Variants in ZCCHC24 observed in about 807,000 individuals in gnomAD.
ZCCHC24 encodes zinc finger CCHC-type containing 24.
A neutral mutation model predicts 26.2 loss-of-function variants in ZCCHC24; 10 were observed. The observed-to-expected ratio is 0.38, with a 90% CI of 0.24 to 0.65. The LOEUF (loss-of-function observed/expected upper bound fraction) is 0.65. Among genes scored for constraint, ZCCHC24 ranks in the 30% least tolerant of loss-of-function variants. The probability of loss-of-function intolerance (pLI) is 0.54; values close to 1 mark genes in which losing one functional copy is unlikely to be tolerated. For missense variants in ZCCHC24, 243 were observed against 329.1 expected (o/e 0.74, Z 2.03); for synonymous variants, 144 against 147.1 (o/e 0.98, Z 0.15).
chr10:79,392,728 C>T (rs937022965), intron 3 of ZCCHC24, among the ~76,000 whole-genome samples: 3 of 152,232 alleles, frequency 2.0e-5, no homozygotes, highest in South Asian at 2.1e-4. Flanking sequence ...CCTCCCCTAA[C>T]ACTGCTCCAT....
intron 2 of ZCCHC24, among the ~76,000 whole-genome samples, chr10:79,400,226 C>T (rs946782280): frequency 4.6e-5 from 7 of 152,174 alleles, no homozygotes; most frequent in African/African-American, 1.2e-4. Flanking sequence ...CATCTCTGGG[C>T]GACTATCCCA....
chr10:79,402,571 G>A (rs141686768), intron 2 of ZCCHC24, among the ~76,000 whole-genome samples: 4 of 152,226 alleles, frequency 2.6e-5, no homozygotes, highest in African/African-American at 4.8e-5. Flanking sequence ...CACTGTGCCC[G>A]GCCAGAGCCT....
chr10:79,394,199 G>C (rs1856513849), intron 3 of ZCCHC24, 77 bp downstream of exon 3: 21 of 1,541,572 alleles, frequency 1.4e-5, no homozygotes, highest in Non-Finnish European at 1.8e-5. Flanking sequence ...TTGTAGGAGG[G>C]AGTAAACTGA....
chr10:79,414,264 A>C (rs1163702735), intron 2 of ZCCHC24, among the ~76,000 whole-genome samples: 1 of 152,248 alleles, frequency 6.6e-6, no homozygotes, highest in Non-Finnish European at 1.5e-5. Context: ...AAGTTCTTGG[A>C]GTCTCTAGAA....
chr10:79,438,080 G>A (rs894424597), intron 1 of ZCCHC24, among the ~76,000 whole-genome samples: 4 of 152,172 alleles, frequency 2.6e-5, no homozygotes, highest in African/African-American at 4.8e-5. Flanking sequence ...CACGGCAGAA[G>A]CAAGGGCTGA....
chr10:79,437,018 A>T (rs1005012599), intron 1 of ZCCHC24, among the ~76,000 whole-genome samples: 2 of 152,138 alleles, frequency 1.3e-5, no homozygotes, highest in African/African-American at 2.4e-5. Context: ...GCTGTTGGGG[A>T]AAGGAAGGTG....
chr10:79,424,864 C>G (rs1161623279), intron 2 of ZCCHC24, among the ~76,000 whole-genome samples: 2 of 152,206 alleles, frequency 1.3e-5, no homozygotes, highest in Non-Finnish European at 2.9e-5. Flanking sequence ...CAAATCCAAG[C>G]TCCTCCTCTC....
chr10:79,393,769 C>T (rs1856507554), intron 3 of ZCCHC24, among the ~76,000 whole-genome samples: 1 of 152,112 alleles, frequency 6.6e-6, no homozygotes, highest in Non-Finnish European at 1.5e-5. Context: ...CCTGCTGTGC[C>T]CCCTTCCTAG....
chr10:79,403,416 C>T, intron 2 of ZCCHC24: 1 of 985,484 alleles, frequency 1.0e-6, no homozygotes, highest in Non-Finnish European at 1.2e-6. Context: ...AAGACCTCCA[C>T]ACTCACATGT....
chr10:79,437,519 C>T (rs11002983), intron 1 of ZCCHC24, among the ~76,000 whole-genome samples: 23,652 of 152,198 alleles, frequency 0.16, 1,919 homozygotes, highest in Middle Eastern at 0.18. Flanking sequence ...CCCAAGGTAA[C>T]GCAGCCAGCA....
chr10:79,441,778 C>T (rs1266575389), intron 1 of ZCCHC24, among the ~76,000 whole-genome samples: 1 of 152,196 alleles, frequency 6.6e-6, no homozygotes, highest in Non-Finnish European at 1.5e-5. Flanking sequence ...TAGGGCCACA[C>T]CTTCCAGCTA....
At chr10:79,387,886 A>T (rs770730437) in intron 3 of ZCCHC24, among the ~76,000 whole-genome samples, 1 of 152,148 alleles carries the variant, frequency 6.6e-6, no homozygotes, top group African/African-American at 2.4e-5. Context: ...CCCCTGGCCC[A>T]GGGGTCATAA....
intron 3 of ZCCHC24, among the ~76,000 whole-genome samples, chr10:79,388,257 G>A (rs971927870): frequency 2.0e-5 from 3 of 152,186 alleles, no homozygotes; most frequent in African/African-American, 7.2e-5. Context: ...TTGTCTTATC[G>A]GTGGGAGGGG....
rs557813065 is a variant in ZCCHC24, at chr10:79,417,780, C to T, written c.447+14778G>A. On this transcript the variant is annotated intron_variant, in intron 2 of 3. Transcript: ENST00000372336. ...CTGATGTCCTCGGGCTCCTCACCCC[C>T]ATTCCATGCACATTTCTTCCCTGCA... Among the ~76,000 whole-genome samples the T allele has an allele frequency of 6.2e-4, 94 of 152,336 alleles. No homozygotes were observed. The Middle Eastern group carries it at 0.014, about 22-fold the overall frequency.
At chr10:79,431,754 A>C (rs895593423) in intron 2 of ZCCHC24, among the ~76,000 whole-genome samples, 8 of 152,256 alleles carry the variant, frequency 5.3e-5, no homozygotes, top group African/African-American at 1.9e-4. Flanking sequence ...TACAAACGTA[A>C]AATAAAAGTA....
chr10:79,432,135 G>A (rs1857138907), intron 2 of ZCCHC24, among the ~76,000 whole-genome samples: 2 of 152,244 alleles, frequency 1.3e-5, no homozygotes, highest in African/African-American at 4.8e-5. Flanking sequence ...TCAGGGGAGG[G>A]GGTGCACATC....
rs1427159763 is a variant in ZCCHC24 at position 79,383,481 on chromosome 10, T to C, written c.*2864A>G. ...ACAGAAAAGTTCTCACCATAAATAT[T>C]TTCTTGCAGCTCAACCAGAAGGTTG... On this transcript the variant is annotated 3_prime_UTR_variant, in exon 4 of 4. Coordinates refer to ENST00000372336, the MANE Select transcript of ZCCHC24 (RefSeq NM_153367.4). The C allele has an allele frequency of 6.6e-6, 1 of 152,330 alleles. No homozygotes were observed. The highest frequency in any genetic ancestry group is 1.5e-5 in the Non-Finnish European group (1 of 68,036). The allele number at this position is 152,330 out of a possible 1,614,324, so 9.4% of individuals were successfully genotyped here.
intron 1 of ZCCHC24, among the ~76,000 whole-genome samples, chr10:79,444,471 T>TCC (rs57495457): frequency 2.0e-5 from 3 of 149,224 alleles, no homozygotes; most frequent in African/African-American, 7.4e-5. Context: ...CTGGAACCTC[T>TCC]CCCCCCCCCT....
chr10:79,418,084 AT>A (rs1371389107), intron 2 of ZCCHC24, among the ~76,000 whole-genome samples: 2 of 152,202 alleles, frequency 1.3e-5, no homozygotes, highest in Non-Finnish European at 2.9e-5. Context: ...CCAAGACCCC[AT>A]GGCAGTTGAG....
Sources: gnomAD v4.1 joint callset for allele counts (sites outside exome capture counted in the v4.1 genomes callset) on GRCh38, gnomAD v4.1.1 for gene constraint, MANE v1.5 for transcripts, NCBI Gene and HGNC (gene_info 2026-07-23, HGNC 2026-07-21) for gene names.